The following WDR33 variants were observed in gnomAD, a reference collection of about 807,000 sequenced individuals.
WDR33 encodes WD repeat domain 33.
Under a neutral mutation model 164.9 loss-of-function variants are expected in WDR33, and 47 were observed. The ratio of observed to expected loss-of-function variants is 0.29; its 90% CI spans 0.23 to 0.36. The LOEUF (loss-of-function observed/expected upper bound fraction) is 0.36, where lower values mean the gene tolerates loss of function less well. WDR33 is among the 10% of genes least tolerant of loss of function. WDR33 has a pLI of 1.00. For synonymous variants in WDR33, 505 were observed against 589.0 expected (o/e 0.86, Z 2.06); for missense variants, 1,137 against 1,754.1 (o/e 0.65, Z 6.28).
chr2:127,801,173 G>A (rs997387356), intron 1 of WDR33, among the ~76,000 whole-genome samples: 38 of 151,682 alleles, frequency 2.5e-4, no homozygotes, highest in African/African-American at 8.2e-4. Flanking sequence ...TGTCCCAGCC[G>A]CTCGGGAGGC....
At chr2:127,736,001 C>T (rs1686829540) in intron 7 of WDR33, 7 of 985,300 alleles carry the variant, frequency 7.1e-6, no homozygotes, top group Non-Finnish European at 8.4e-6. Flanking sequence ...TATGTTCCAA[C>T]AATACAGTGC....
At chr2:127,779,734 T>C (rs1179768090) in intron 1 of WDR33, among the ~76,000 whole-genome samples, 1 of 152,182 alleles carries the variant, frequency 6.6e-6, no homozygotes, top group African/African-American at 2.4e-5. Flanking sequence ...AGATCACATA[T>C]AGCATCTGTC....
chr2:127,750,705 T>TGTATGCATAC (rs1558936958), intron 7 of WDR33, among the ~76,000 whole-genome samples: 45 of 58,056 alleles, frequency 7.8e-4, no homozygotes, highest in African/African-American at 4.4e-3. Context: ...TATATATATA[T>TGTATGCATAC]ATATATATGT....
intron 1 of WDR33, among the ~76,000 whole-genome samples, chr2:127,800,568 C>G (rs1689200760): frequency 6.8e-6 from 1 of 146,744 alleles, no homozygotes; most frequent in Non-Finnish European, 1.5e-5. Context: ...ACCCAGGAGT[C>G]GGAGCTTGCA....
In WDR33 at chr2:127,706,645, A is replaced by C; in HGVS notation, c.3782-93T>G. On this transcript the variant is annotated intron_variant, in intron 21 of 21. Transcript: ENST00000322313. This position sits in a 1 kb window ranked among gnomAD's most constrained non-coding sequence, Gnocchi z 5.1. ...AAACTTTACTCTCTGATGACAATGGACCAGTTCTGGTGGGTGCCAGGGAGA... is the reference window on the plus strand; with the variant it reads ...AAACTTTACTCTCTGATGACAATGGCCCAGTTCTGGTGGGTGCCAGGGAGA... The C allele has an allele frequency of 8.4e-7, 1 of 1,196,224 alleles. No homozygotes were observed. Among genetic ancestry groups the C allele is most frequent in the Non-Finnish European group, 1.2e-6 (1 of 850,240 alleles). The allele number at this position is 1,196,224 out of a possible 1,614,324, so 74.1% of individuals were successfully genotyped here.
chr2:127,712,548 C>T lies in WDR33; in HGVS notation c.3308+1035G>A, dbSNP rs1686207927. Reference sequence around the variant, plus strand: ...TGCCAGACCTCGGAAAGTCAAGACACTGCTCTTATTCTGTCTGAATCAGCA... The same window carrying T: ...TGCCAGACCTCGGAAAGTCAAGACATTGCTCTTATTCTGTCTGAATCAGCA... On this transcript the variant is annotated intron_variant, in intron 18 of 21. Coordinates refer to ENST00000322313, the MANE Select transcript of WDR33 (RefSeq NM_018383.5). This position sits in a 1 kb window ranked among gnomAD's most constrained non-coding sequence, Gnocchi z 4.0. Among the ~76,000 whole-genome samples the T allele has an allele frequency of 1.3e-5, 2 of 152,250 alleles. No individual in the cohort carries two copies. Among genetic ancestry groups the T allele is most frequent in the African/African-American group, 4.8e-5 (2 of 41,466 alleles).
In WDR33 at chr2:127,794,847, A is replaced by AG. The variant is rs1222231453; in HGVS notation, c.-24+16164_-24+16165insC. ...AGACTCCGTTTCAAAAAAAAAAAAA[A>AG]AAAAAGAAAGAAAGAAAGAAATACT... On this transcript the variant is annotated intron_variant, in intron 1 of 21. Transcript: ENST00000322313. Among the ~76,000 whole-genome samples, 433 of 147,950 alleles carry AG rather than the reference A, an allele frequency of 2.9e-3. 1 individual carries two copies. The highest frequency in any genetic ancestry group is 0.011 in the African/African-American group (412 of 38,718).
At chr2:127,779,799 T>C (rs909141043) in intron 1 of WDR33, among the ~76,000 whole-genome samples, 2 of 152,338 alleles carry the variant, frequency 1.3e-5, no homozygotes, top group Middle Eastern at 3.4e-3. Context: ...TTTGATCCAA[T>C]TATCAAATCC....
chr2:127,762,500 G>T (rs949836096), intron 7 of WDR33: 5 of 984,720 alleles, frequency 5.1e-6, no homozygotes, highest in Non-Finnish European at 6.0e-6. Context: ...GTTACGGAAT[G>T]AAGTAATTTC....
At chr2:127,788,183 G>A (rs1211694098) in intron 1 of WDR33, among the ~76,000 whole-genome samples, 181 of 117,396 alleles carry the variant, frequency 1.5e-3, no homozygotes, top group Middle Eastern at 0.011. Context: ...CGGGGCGGCT[G>A]GCCGGGCGGA....
intron 1 of WDR33, among the ~76,000 whole-genome samples, chr2:127,796,807 T>C (rs1689057396): frequency 6.6e-6 from 1 of 152,208 alleles, no homozygotes; most frequent in East Asian, 1.9e-4. Flanking sequence ...GGGGAAAAGT[T>C]TCAGTACACA....
At position 127,769,014 on chromosome 2, in the gene WDR33, TAAA is replaced by T; in HGVS notation, c.205-16_205-14del. On this transcript the variant is annotated splice_polypyrimidine_tract_variant and intron_variant, in intron 2 of 21. Coordinates refer to ENST00000322313, the MANE Select transcript of WDR33 (RefSeq NM_018383.5). The stretch of plus-strand genomic sequence containing the variant: ...GCCATATTCTGTTCTGTTAAATAAA[TAAA>T]TAAATAAATAAATAAATAAATAGAT... 1 of 1,206,054 alleles carries T rather than the reference TAAA, an allele frequency of 8.3e-7. No individual in the cohort carries two copies. Among genetic ancestry groups the T allele is most frequent in the Non-Finnish European group, 1.1e-6 (1 of 922,608 alleles). 74.7% of individuals were successfully genotyped at this position (1,206,054 alleles called of 1,614,324 possible).
chr2:127,762,546 A>G, intron 7 of WDR33: 1 of 984,104 alleles, frequency 1.0e-6, no homozygotes, highest in African/African-American at 1.8e-5. Flanking sequence ...AACAAAAGTA[A>G]ACAAGCAGCA....
intron 7 of WDR33, among the ~76,000 whole-genome samples, chr2:127,731,453 A>C (rs1686706339): frequency 1.3e-5 from 2 of 152,198 alleles, no homozygotes; most frequent in Non-Finnish European, 2.9e-5. Context: ...ATTATCTATC[A>C]CAATCTTAAA....
rs1340709885 is a variant in WDR33, at chr2:127,726,277, ATGT to A, written c.851+371_851+373del. Among the ~76,000 whole-genome samples the A allele has an allele frequency of 6.6e-6, 1 of 152,166 alleles. No homozygotes were observed. Among genetic ancestry groups the A allele is most frequent in the Non-Finnish European group, 1.5e-5 (1 of 68,018 alleles). On this transcript the variant is annotated intron_variant, in intron 8 of 21. Coordinates refer to ENST00000322313, the MANE Select transcript of WDR33 (RefSeq NM_018383.5). The surrounding 1 kb of genome is among the most constrained non-coding windows in gnomAD (Gnocchi z 4.8). ...CCAGAAGAAAACCCTCTCGAAACAG[ATGT>A]TGTGAGATGGAGAAGGCTGGGCCGT...
chr2:127,764,951 G>T lies in WDR33; in HGVS notation c.503C>A (p.Thr168Lys). Residue 168 changes from threonine (T) to lysine (K), a missense_variant, in exon 6 of 22, where the codon ACG becomes AAG. Around this residue, in one of 9 missense-constraint regions of WDR33, gnomAD observed 10 missense variants for 87.7 expected, o/e 0.11. Transcript: ENST00000322313. This position sits in a 1 kb window ranked among gnomAD's most constrained non-coding sequence, Gnocchi z 6.2. ...CATCCACATGTCATTATGTGACCAC[G>T]TCATGGCCCTCACTGGGCTGTCGTG... is the stretch of plus-strand genomic sequence containing the variant. ...QAHDSPVRAM[T>K]WSHNDMWMLT... 6.2e-7 allele frequency: 1 copy of T among 1,614,098 alleles called. No individual in the cohort carries two copies. Among genetic ancestry groups the T allele is most frequent in the Non-Finnish European group, 8.5e-7 (1 of 1,180,038 alleles).
rs1573874919 is a variant in WDR33 at position 127,709,347 on chromosome 2, G to A, written c.3565+143C>T. On this transcript the variant is annotated intron_variant, in intron 20 of 21. Transcript: ENST00000322313. This position sits in a 1 kb window ranked among gnomAD's most constrained non-coding sequence, Gnocchi z 5.0. ...ATTCCACCTGCTGAGATCAAGTGCTGCGGCTGCAGGACAGGAGACAGCCCA... is the reference window on the plus strand; with the variant it reads ...ATTCCACCTGCTGAGATCAAGTGCTACGGCTGCAGGACAGGAGACAGCCCA... 2.7e-6 allele frequency: 2 copies of A among 736,914 alleles called. No homozygotes were observed. The highest frequency in any genetic ancestry group is 4.9e-5 in the East Asian group (2 of 40,468). The allele number at this position is 736,914 out of a possible 1,614,324, so 45.6% of individuals were successfully genotyped here.
intron 1 of WDR33, among the ~76,000 whole-genome samples, chr2:127,771,445 A>G (rs970202595): frequency 7.9e-5 from 12 of 152,224 alleles, no homozygotes; most frequent in African/African-American, 2.9e-4. Flanking sequence ...CCACCATCAT[A>G]TATGTGGTCC....
intron 21 of WDR33, among the ~76,000 whole-genome samples, chr2:127,707,274 A>T (rs1686044490): frequency 6.6e-6 from 1 of 152,026 alleles, no homozygotes; most frequent in African/African-American, 2.4e-5. Flanking sequence ...AGGAAAAAAA[A>T]TTCTATCTTG....
Sources: allele counts gnomAD v4.1 joint callset (sites outside exome capture counted in the v4.1 genomes callset), GRCh38; gene constraint gnomAD v4.1.1; regional missense constraint gnomAD v4.1.1; non-coding constraint Gnocchi (gnomAD v3.1); transcripts MANE v1.5; gene names NCBI Gene and HGNC (gene_info 2026-07-23, HGNC 2026-07-21).